FGF7: variants seen among roughly 807,000 people sequenced by gnomAD.
The protein encoded by FGF7 is fibroblast growth factor 7.
In FGF7, 6 loss-of-function variants were observed where a neutral mutation model predicts 20.5. That is an observed-to-expected ratio of 0.29 (90% CI 0.16 to 0.58). The LOEUF is 0.58. Among genes scored for constraint, FGF7 ranks in the 20% least tolerant of loss-of-function variants. The probability of loss-of-function intolerance (pLI) is 0.90; values close to 1 mark genes in which losing one functional copy is unlikely to be tolerated. For missense variants in FGF7, 144 were observed against 228.8 expected (o/e 0.63, Z 2.39); for synonymous variants, 64 against 74.7 (o/e 0.86, Z 0.74).
chr15:49,454,406 A>G (rs2053072956), intron 2 of FGF7, among the ~76,000 whole-genome samples: 1 of 152,146 alleles, frequency 6.6e-6, no homozygotes, highest in Admixed American at 6.5e-5. Flanking sequence ...CCTGGTAATA[A>G]TAAGAGCCAA....
intron 2 of FGF7, among the ~76,000 whole-genome samples, chr15:49,459,791 C>T (rs531347141): frequency 7.2e-5 from 11 of 152,210 alleles, no homozygotes; most frequent in African/African-American, 2.4e-4. Flanking sequence ...TGGCTCATCC[C>T]GGCTCCTGTG....
chr15:49,456,622 A>G (rs540853087), intron 2 of FGF7, among the ~76,000 whole-genome samples: 1 of 152,218 alleles, frequency 6.6e-6, no homozygotes. Context: ...AGAAGGAGAG[A>G]TAACTAACAT....
chr15:49,466,543 AC>A (rs1391758696), intron 2 of FGF7, among the ~76,000 whole-genome samples: 1 of 152,152 alleles, frequency 6.6e-6, no homozygotes, highest in Non-Finnish European at 1.5e-5. Flanking sequence ...AGAGTATACC[AC>A]TGAAACTTTT....
At chr15:49,478,934 T>A (rs2055622842) in intron 2 of FGF7, among the ~76,000 whole-genome samples, 1 of 152,316 alleles carries the variant, frequency 6.6e-6, no homozygotes, top group South Asian at 2.1e-4. Context: ...GAGGGACACC[T>A]AAAATTATGA....
intron 2 of FGF7, among the ~76,000 whole-genome samples, chr15:49,470,859 G>T (rs1210994076): frequency 1.3e-5 from 2 of 152,184 alleles, no homozygotes; most frequent in African/African-American, 4.8e-5. Context: ...CATCTAGAAA[G>T]AATGAAAAGA....
Position 49,487,166 on chromosome 15 carries a change from CA to C in FGF7, c.*2666del, listed in dbSNP as rs1280037564. ...TAATCTATACTGTGATGATTTGACT[CA>C]AAAGGAGAAAAGAAATTATGTAGTT... On this transcript the variant is annotated 3_prime_UTR_variant, in exon 4 of 4. Coordinates refer to ENST00000267843, the MANE Select transcript of FGF7 (RefSeq NM_002009.4). 2 of 151,760 alleles carry C rather than the reference CA, an allele frequency of 1.3e-5. No homozygotes were observed. Among genetic ancestry groups the C allele is most frequent in the African/African-American group, 4.8e-5 (2 of 41,366 alleles). 9.4% of individuals were successfully genotyped at this position (151,760 alleles called of 1,614,324 possible).
intron 2 of FGF7, among the ~76,000 whole-genome samples, chr15:49,465,558 A>G (rs1179173132): frequency 6.6e-6 from 1 of 150,836 alleles, no homozygotes; most frequent in Non-Finnish European, 1.5e-5. Context: ...TTGAAAATAT[A>G]AATAGATTCA....
intron 2 of FGF7, among the ~76,000 whole-genome samples, chr15:49,430,084 T>C (rs572473693): frequency 1.3e-5 from 2 of 151,824 alleles, no homozygotes; most frequent in Non-Finnish European, 2.9e-5. Flanking sequence ...ACCAAGAGGG[T>C]TCTTCTGGGC....
intron 2 of FGF7, among the ~76,000 whole-genome samples, chr15:49,463,445 T>C (rs2053982544): frequency 6.6e-6 from 1 of 151,460 alleles, no homozygotes; most frequent in Non-Finnish European, 1.5e-5. Flanking sequence ...TCCCAGCTAC[T>C]TGGGAGGCCG....
chr15:49,461,289 A>C (rs901124443), intron 2 of FGF7, among the ~76,000 whole-genome samples: 1 of 152,170 alleles, frequency 6.6e-6, no homozygotes, highest in Non-Finnish European at 1.5e-5. Flanking sequence ...GAGAGCTAAC[A>C]ATTTATTTTT....
intron 2 of FGF7, among the ~76,000 whole-genome samples, chr15:49,477,075 A>AAAT (rs2055406912): frequency 1.3e-5 from 2 of 151,724 alleles, no homozygotes; most frequent in Non-Finnish European, 2.9e-5. Flanking sequence ...AAAAAAAAAA[A>AAAT]TTGAGCAGAT....
chr15:49,430,524 A>C (rs2050513726), intron 2 of FGF7, among the ~76,000 whole-genome samples: 1 of 151,866 alleles, frequency 6.6e-6, no homozygotes. Flanking sequence ...TGTTGATATA[A>C]GAGAATACTG....
chr15:49,442,016 A>T (rs1454457634), intron 2 of FGF7, among the ~76,000 whole-genome samples: 1 of 151,550 alleles, frequency 6.6e-6, no homozygotes, highest in Non-Finnish European at 1.5e-5. Flanking sequence ...TTATCAAAAG[A>T]TCCATTATAG....
At chr15:49,436,803 G>T (rs1358700036) in intron 2 of FGF7, among the ~76,000 whole-genome samples, 1 of 151,522 alleles carries the variant, frequency 6.6e-6, no homozygotes, top group African/African-American at 2.4e-5. Context: ...TGTCACTGGT[G>T]TTATTAAAAC....
intron 2 of FGF7, among the ~76,000 whole-genome samples, chr15:49,432,945 G>A (rs2050746288): frequency 6.6e-6 from 1 of 151,252 alleles, no homozygotes. Flanking sequence ...AAATGCTTTA[G>A]GATCCTAATA....
At chr15:49,474,968 T>C (rs2055120108) in intron 2 of FGF7, among the ~76,000 whole-genome samples, 1 of 150,222 alleles carries the variant, frequency 6.7e-6, no homozygotes, top group East Asian at 2.0e-4. Context: ...TTAAGATAAT[T>C]TGAATTTATA....
intron 2 of FGF7, among the ~76,000 whole-genome samples, chr15:49,468,535 T>C (rs1480819980): frequency 1.3e-5 from 2 of 152,296 alleles, no homozygotes; most frequent in East Asian, 3.9e-4. Context: ...AGATTAGTAT[T>C]ATCAACCATA....
At chr15:49,439,057 T>C (rs1293971028) in intron 2 of FGF7, among the ~76,000 whole-genome samples, 3 of 151,774 alleles carry the variant, frequency 2.0e-5, no homozygotes, top group African/African-American at 2.4e-5. Context: ...TCTTACGAGG[T>C]TGCAATCAAA....
chr15:49,443,031 G>A (rs2051820422), intron 2 of FGF7, among the ~76,000 whole-genome samples: 1 of 151,700 alleles, frequency 6.6e-6, no homozygotes, highest in Non-Finnish European at 1.5e-5. Context: ...CACATATTAA[G>A]TGTTTGAAAA....
Sources: gnomAD v4.1 joint callset for allele counts (sites outside exome capture counted in the v4.1 genomes callset) on GRCh38, gnomAD v4.1.1 for gene constraint, MANE v1.5 for transcripts, NCBI Gene and HGNC (gene_info 2026-07-23, HGNC 2026-07-21) for gene names.